The following EPB41L2 variants were observed in gnomAD, a reference collection of about 807,000 sequenced individuals.
EPB41L2 encodes the protein band 4.1-like protein 2.
EPB41L2 carries 43 observed loss-of-function variants against 113.0 expected under a neutral mutation model. That is an observed-to-expected ratio of 0.38 (90% CI 0.30 to 0.49). EPB41L2 has a LOEUF of 0.49. Among genes scored for constraint, EPB41L2 ranks in the 20% least tolerant of loss-of-function variants. EPB41L2 has a pLI of 0.95. For synonymous variants in EPB41L2, 442 were observed against 436.7 expected (o/e 1.01, Z -0.15); for missense variants, 1,147 against 1,223.4 (o/e 0.94, Z 0.93).
chr6:130,974,629 G>A (rs1333158570), intron 1 of EPB41L2, among the ~76,000 whole-genome samples: 1 of 151,330 alleles, frequency 6.6e-6, no homozygotes, highest in Non-Finnish European at 1.5e-5. Flanking sequence ...CCACTTATGA[G>A]TGGTAGAGCC....
rs373063956 is a variant in EPB41L2 at position 130,863,690 on chromosome 6, C to A, written c.2858G>T (p.Arg953Ile). The A allele has an allele frequency of 3.7e-5, 59 of 1,613,528 alleles. No homozygotes were observed. The highest frequency in any genetic ancestry group is 4.9e-5 in the Non-Finnish European group (58 of 1,179,606). The stretch of plus-strand genomic sequence containing the variant: ...TGTGATCACAATGCGTTTCTCAATT[C>A]TTGTTTCAGAAATTCCACCTTTTAC... ...KTVKGGISET[R>I]IEKRIVITGD... Residue 953 changes from arginine to isoleucine, a missense_variant, in exon 18 of 20, where the codon AGA becomes ATA. Physicochemically the swap from Arg to Ile is moderately conservative, Grantham distance 97. Coordinates refer to ENST00000337057, the MANE Select transcript of EPB41L2 (RefSeq NM_001431.4).
At chr6:130,876,603 TA>T in intron 14 of EPB41L2, 1 of 962,736 alleles carries the variant, frequency 1.0e-6, no homozygotes. Context: ...AAAGAAATCT[TA>T]TGGCTGTGGA....
At chr6:131,012,474 A>G (rs1383173558) in intron 1 of EPB41L2, among the ~76,000 whole-genome samples, 5 of 146,410 alleles carry the variant, frequency 3.4e-5, no homozygotes, top group Non-Finnish European at 1.5e-5. Context: ...ACGGAACATC[A>G]CCTGGGCTGG....
intron 3 of EPB41L2, among the ~76,000 whole-genome samples, chr6:130,926,991 C>T (rs1285689657): frequency 2.0e-5 from 3 of 152,172 alleles, no homozygotes; most frequent in Non-Finnish European, 4.4e-5. Context: ...GAAATGTTAG[C>T]TGTTCATTTT....
chr6:131,058,253 T>G (rs543568591), intron 1 of EPB41L2, among the ~76,000 whole-genome samples: 1 of 152,290 alleles, frequency 6.6e-6, no homozygotes. Flanking sequence ...TCACATGAAA[T>G]CTATTCCAAT....
intron 1 of EPB41L2, among the ~76,000 whole-genome samples, chr6:130,974,185 A>G (rs1391500470): frequency 6.6e-6 from 1 of 152,120 alleles, no homozygotes; most frequent in Non-Finnish European, 1.5e-5. Flanking sequence ...TCATGATGAA[A>G]TCAGTGTACT....
intron 4 of EPB41L2, among the ~76,000 whole-genome samples, chr6:130,921,735 G>A (rs1311881070): frequency 6.6e-6 from 1 of 152,088 alleles, no homozygotes; most frequent in East Asian, 1.9e-4. Context: ...TCATACCACA[G>A]GCCCTTGTCA....
intron 1 of EPB41L2, among the ~76,000 whole-genome samples, chr6:131,024,296 A>C (rs543600497): frequency 3.3e-4 from 51 of 152,280 alleles, no homozygotes; most frequent in Non-Finnish European, 2.8e-4. Context: ...GAAGTAAATG[A>C]GTCATTTGAT....
At chr6:131,010,692 C>T (rs1239566072) in intron 1 of EPB41L2, among the ~76,000 whole-genome samples, 2 of 152,124 alleles carry the variant, frequency 1.3e-5, no homozygotes, top group Non-Finnish European at 2.9e-5. Flanking sequence ...GAATTACAGG[C>T]GTGAGCCACT....
chr6:130,843,405 TAA>T (rs1184242923), intron 19 of EPB41L2, among the ~76,000 whole-genome samples: 1 of 152,244 alleles, frequency 6.6e-6, no homozygotes, highest in Non-Finnish European at 1.5e-5. Context: ...GTAAAAGCTG[TAA>T]AAGTTTCAAG....
intron 3 of EPB41L2, among the ~76,000 whole-genome samples, chr6:130,942,415 A>G (rs1193489389): frequency 1.3e-5 from 2 of 152,228 alleles, no homozygotes; most frequent in African/African-American, 4.8e-5. Context: ...TTTGTTCAGA[A>G]GAACAGGAAG....
intron 1 of EPB41L2, among the ~76,000 whole-genome samples, chr6:131,022,489 C>T (rs1789735895): frequency 6.6e-6 from 1 of 152,200 alleles, no homozygotes; most frequent in Non-Finnish European, 1.5e-5. Flanking sequence ...CTCTCCATTG[C>T]TTTATTTTGA....
chr6:131,028,213 A>G (rs1791299995), intron 1 of EPB41L2, among the ~76,000 whole-genome samples: 1 of 152,192 alleles, frequency 6.6e-6, no homozygotes, highest in Non-Finnish European at 1.5e-5. Flanking sequence ...GAGTGGACAA[A>G]ATGATTATTA....
chr6:130,925,180 GATTTC>G (rs1034835873), intron 4 of EPB41L2, among the ~76,000 whole-genome samples: 1 of 138,124 alleles, frequency 7.2e-6, no homozygotes, highest in Non-Finnish European at 1.5e-5. Flanking sequence ...AAAAATATCA[GATTTC>G]TTTTCTTTTT....
At chr6:131,015,322 T>A (rs1434913882) in intron 1 of EPB41L2, 1 of 152,182 alleles carries the variant, frequency 6.6e-6, no homozygotes, top group African/African-American at 2.4e-5. Flanking sequence ...TTCACCACTA[T>A]CATAAAATAG....
At chr6:130,973,153 A>T (rs1777323615) in intron 1 of EPB41L2, among the ~76,000 whole-genome samples, 1 of 151,958 alleles carries the variant, frequency 6.6e-6, no homozygotes, top group South Asian at 2.1e-4. Context: ...GGAAGACTTG[A>T]TGGAAGTCTT....
intron 1 of EPB41L2, among the ~76,000 whole-genome samples, chr6:130,962,154 A>G (rs545927718): frequency 1.2e-3 from 179 of 151,972 alleles, no homozygotes; most frequent in African/African-American, 4.2e-3. Flanking sequence ...AACGTGAGGG[A>G]AAAAAAACAA....
At chr6:131,040,893 A>G (rs1193079744) in intron 1 of EPB41L2, among the ~76,000 whole-genome samples, 2 of 152,244 alleles carry the variant, frequency 1.3e-5, no homozygotes, top group Non-Finnish European at 2.9e-5. Flanking sequence ...AAATACCCTC[A>G]CATAGAAACA....
At chr6:130,859,319 G>A (rs1448634239) in intron 18 of EPB41L2, among the ~76,000 whole-genome samples, 4 of 152,174 alleles carry the variant, frequency 2.6e-5, no homozygotes, top group East Asian at 1.9e-4. Flanking sequence ...ACAGGAGTTC[G>A]AAACCAGCCT....
Sources: gnomAD v4.1 joint callset for allele counts (sites outside exome capture counted in the v4.1 genomes callset) on GRCh38, gnomAD v4.1.1 for gene constraint, MANE v1.5 for transcripts, NCBI Gene and HGNC (gene_info 2026-07-23, HGNC 2026-07-21) for gene names.